The following ASTN2 variants were observed in gnomAD, a reference collection of about 807,000 sequenced individuals.
ASTN2 encodes astrotactin-2.
Under a neutral mutation model 139.8 loss-of-function variants are expected in ASTN2, and 54 were observed. The observed-to-expected ratio is 0.39, with a 90% confidence interval of 0.31 to 0.48. The LOEUF (loss-of-function observed/expected upper bound fraction) is 0.48, where lower values mean the gene tolerates loss of function less well. Ranked by LOEUF, ASTN2 falls within the 20% of genes least tolerant of loss-of-function variation. The pLI is 0.95. For missense variants in ASTN2, 1,565 were observed against 1,725.1 expected (o/e 0.91, Z 1.64); for synonymous variants, 756 against 719.5 (o/e 1.05, Z -0.81).
chr9:116,999,548 C>CTTTTTTTTTTTTTTTTTTTTTTTTTT (rs71379248), intron 7 of ASTN2, among the ~76,000 whole-genome samples: 4 of 94,964 alleles, frequency 4.2e-5, no homozygotes, highest in African/African-American at 4.9e-5. Flanking sequence ...TTCTCTCTTT[C>CTTTTTTTTTTTTTTTTTTTTTTTTTT]TTTTTTTTTT....
chr9:116,721,436 T>C (rs1003306280), intron 16 of ASTN2, among the ~76,000 whole-genome samples: 1 of 152,034 alleles, frequency 6.6e-6, no homozygotes, highest in African/African-American at 2.4e-5. Flanking sequence ...AAGGGTGAAA[T>C]GGAGCCCCAG....
intron 10 of ASTN2, among the ~76,000 whole-genome samples, chr9:116,949,141 C>T (rs1019440172): frequency 5.3e-5 from 8 of 151,842 alleles, no homozygotes; most frequent in Admixed American, 1.3e-4. Context: ...AAATATATCC[C>T]GGCAAACTCT....
chr9:117,142,858 C>T (rs966090105), intron 3 of ASTN2, among the ~76,000 whole-genome samples: 1 of 152,182 alleles, frequency 6.6e-6, no homozygotes, highest in Non-Finnish European at 1.5e-5. Context: ...CTCATCCCTC[C>T]CTCCATCTGT....
At chr9:117,245,195 A>G (rs1222309245) in intron 2 of ASTN2, among the ~76,000 whole-genome samples, 1 of 152,190 alleles carries the variant, frequency 6.6e-6, no homozygotes, top group Non-Finnish European at 1.5e-5. Context: ...CTGTTCTGAA[A>G]GACGAATGCA....
At chr9:117,066,348 T>C (rs1012595936) in intron 5 of ASTN2, among the ~76,000 whole-genome samples, 2 of 148,962 alleles carry the variant, frequency 1.3e-5, no homozygotes, top group Non-Finnish European at 3.0e-5. Context: ...GGACATGAAC[T>C]CAACATTTCT....
chr9:116,472,057 G>A (rs755868301), intron 20 of ASTN2, among the ~76,000 whole-genome samples: 6 of 151,996 alleles, frequency 3.9e-5, no homozygotes, highest in Admixed American at 6.6e-5. Flanking sequence ...GCCAGACCCC[G>A]AGCTAGTCTC....
chr9:116,589,090 A>T (rs1402405516), intron 19 of ASTN2, among the ~76,000 whole-genome samples: 1 of 152,200 alleles, frequency 6.6e-6, no homozygotes, highest in Admixed American at 6.5e-5. Context: ...TCTCCCCACT[A>T]AATTATTTAT....
intron 2 of ASTN2, among the ~76,000 whole-genome samples, chr9:117,218,702 T>C (rs1456113253): frequency 6.6e-6 from 1 of 152,204 alleles, no homozygotes; most frequent in Non-Finnish European, 1.5e-5. Context: ...CCTATGGACC[T>C]TCAGTTTATT....
At chr9:117,052,679 C>T (rs146717607) in intron 5 of ASTN2, among the ~76,000 whole-genome samples, 1 of 152,310 alleles carries the variant, frequency 6.6e-6, no homozygotes, top group East Asian at 1.9e-4. Flanking sequence ...GGTCCAAACA[C>T]ATGCAGAGCA....
chr9:116,663,674 T>C (rs1034967606), intron 16 of ASTN2, among the ~76,000 whole-genome samples: 3 of 152,138 alleles, frequency 2.0e-5, no homozygotes, highest in South Asian at 2.1e-4. Flanking sequence ...CTCATAGAGA[T>C]TTCCTGTCTT....
intron 20 of ASTN2, among the ~76,000 whole-genome samples, chr9:116,450,769 G>A (rs1021140634): frequency 1.3e-5 from 2 of 152,242 alleles, no homozygotes; most frequent in African/African-American, 4.8e-5. Flanking sequence ...CTCACATGCA[G>A]CCACCCACCC....
At chr9:117,315,144 A>AT (rs1215432824) in intron 1 of ASTN2, among the ~76,000 whole-genome samples, 1 of 152,082 alleles carries the variant, frequency 6.6e-6, no homozygotes, top group African/African-American at 2.4e-5. Flanking sequence ...TGCTAAAACT[A>AT]TAAGTGATTA....
chr9:116,498,859 C>A (rs889812392), intron 19 of ASTN2, among the ~76,000 whole-genome samples: 3 of 152,230 alleles, frequency 2.0e-5, no homozygotes, highest in African/African-American at 7.2e-5. Context: ...GGAAACATAG[C>A]CATCTTAAAC....
At chr9:117,128,929 T>C (rs899029942) in intron 4 of ASTN2, among the ~76,000 whole-genome samples, 3 of 152,158 alleles carry the variant, frequency 2.0e-5, no homozygotes, top group Admixed American at 1.3e-4. Context: ...ATGAGACTTA[T>C]TCGCTCCCAT....
chr9:117,020,038 G>A (rs56257995), intron 6 of ASTN2, among the ~76,000 whole-genome samples: 3 of 144,698 alleles, frequency 2.1e-5, no homozygotes, highest in South Asian at 2.3e-4. Flanking sequence ...GTGTGTGTGT[G>A]TGTGTGTATG....
At chr9:117,337,303 C>A (rs1414490181) in intron 1 of ASTN2, among the ~76,000 whole-genome samples, 2 of 152,138 alleles carry the variant, frequency 1.3e-5, no homozygotes, top group African/African-American at 2.4e-5. Flanking sequence ...GGTCACAGGG[C>A]AATGACCTGT....
chr9:117,011,601 T>C (rs191736563), intron 6 of ASTN2, among the ~76,000 whole-genome samples: 38 of 152,350 alleles, frequency 2.5e-4, no homozygotes, highest in Admixed American at 2.4e-3. Flanking sequence ...TAAAAAGATA[T>C]TATGCAGAGT....
chr9:116,621,431 A>G (rs1564160861), intron 17 of ASTN2, among the ~76,000 whole-genome samples: 1 of 132,676 alleles, frequency 7.5e-6, no homozygotes, highest in East Asian at 2.7e-4. Context: ...ACACACACAC[A>G]CACATGCACG....
chr9:116,722,359 G>C (rs1369485589), intron 16 of ASTN2, among the ~76,000 whole-genome samples: 2 of 152,170 alleles, frequency 1.3e-5, no homozygotes, highest in Non-Finnish European at 2.9e-5. Flanking sequence ...AACACTTAGG[G>C]GAATGAGAGT....
Sources: allele counts gnomAD v4.1 joint callset (sites outside exome capture counted in the v4.1 genomes callset), GRCh38; gene constraint gnomAD v4.1.1; transcripts MANE v1.5; gene names NCBI Gene and HGNC (gene_info 2026-07-23, HGNC 2026-07-21).